Variants in ZNF718 observed in about 807,000 individuals in gnomAD.
ZNF718 encodes the protein zinc finger protein 718.
In ZNF718, 3 loss-of-function variants were observed where a neutral mutation model predicts 2.6. The observed-to-expected ratio is 1.16, with a 90% CI of 0.53 to 3.01. The LOEUF is 3.01. ZNF718 is among the 30% of genes most tolerant of loss of function. The pLI is 0.03. For missense variants in ZNF718, 468 were observed against 230.0 expected, an observed-to-expected ratio of 2.03 and a Z score of -6.69; for synonymous variants, 135 against 77.9, an observed-to-expected ratio of 1.73 and a Z score of -3.86.
chr4:177,204 C>A (rs1411563904), intron 3 of ZNF718, among the ~76,000 whole-genome samples: 1 of 152,194 alleles, frequency 6.6e-6, no homozygotes, highest in Non-Finnish European at 1.5e-5. Flanking sequence ...CTTTCCACAA[C>A]CCATCTCTGG....
intron 3 of ZNF718, among the ~76,000 whole-genome samples, chr4:191,401 C>T (rs1553821208): frequency 6.6e-6 from 1 of 151,998 alleles, no homozygotes; most frequent in East Asian, 1.9e-4. Flanking sequence ...ATCCACCTGC[C>T]TCAGCTCCCC....
Position 134,292 on chromosome 4 carries a change from G to A in ZNF718, c.226+2787G>A, listed in dbSNP as rs185877875. 3.6e-3 allele frequency among the ~76,000 whole-genome samples: 543 copies of A among 152,118 alleles called. 5 individuals are homozygous for A. The highest frequency in any genetic ancestry group is 0.012 in the African/African-American group (515 of 41,498). On this transcript the variant is annotated intron_variant, in intron 3 of 3. Coordinates refer to ENST00000510175, the MANE Select transcript of ZNF718 (RefSeq NM_001039127.6). Reference sequence around the variant, plus strand: ...CTCCCAAGTAGCTGGGACTACAGGTGCCCGCCACCACGCCCGGCTAATTTT... The same window carrying A: ...CTCCCAAGTAGCTGGGACTACAGGTACCCGCCACCACGCCCGGCTAATTTT...
chr4:177,557 C>T (rs1470509009), intron 3 of ZNF718, among the ~76,000 whole-genome samples: 1 of 152,036 alleles, frequency 6.6e-6, no homozygotes, highest in African/African-American at 2.4e-5. Flanking sequence ...CCTTTTTGGG[C>T]CTTGCTCACT....
Position 161,494 on chromosome 4 carries a change from T to C in ZNF718, c.809T>C (p.Leu270Pro), listed in dbSNP as rs1214211507. The C allele has an allele frequency of 5.1e-6, 4 of 780,614 alleles. No homozygotes were observed. Among genetic ancestry groups the C allele is most frequent in the Non-Finnish European group, 9.6e-6 (4 of 417,924 alleles). The allele number at this position is 780,614 out of a possible 1,614,324, so 48.4% of individuals were successfully genotyped here. ...AAAGCTTTTAACCAATCCTCAACCC[T>C]TAATTTACATAAGAGAATTCATTCT... ...CGKAFNQSST[L>P]NLHKRIHSAQ... Residue 270 changes from leucine to proline, a missense_variant, in exon 4 of 4, where the codon CTT becomes CCT. Transcript: ENST00000510175.
chr4:171,696 C>A (rs879977019), intron 3 of ZNF718, among the ~76,000 whole-genome samples: 1 of 152,090 alleles, frequency 6.6e-6, no homozygotes, highest in Admixed American at 6.5e-5. Context: ...ATTGGAAAAG[C>A]GTAGTATTAG....
intron 3 of ZNF718, among the ~76,000 whole-genome samples, chr4:191,244 G>T (rs1436359356): frequency 7.3e-5 from 11 of 150,496 alleles, no homozygotes; most frequent in African/African-American, 2.7e-4. Context: ...CGCTTCCGGG[G>T]TTCAAGCAAT....
intron 3 of ZNF718, among the ~76,000 whole-genome samples, chr4:192,082 C>G (rs782257444): frequency 3.3e-5 from 5 of 152,274 alleles, no homozygotes; most frequent in African/African-American, 9.6e-5. Context: ...CTCACTGGAT[C>G]AGAAGTGCAG....
intron 3 of ZNF718, among the ~76,000 whole-genome samples, chr4:143,334 C>T (rs1225011438): frequency 1.3e-5 from 2 of 152,148 alleles, no homozygotes; most frequent in Non-Finnish European, 2.9e-5. Flanking sequence ...GGGATTAGTG[C>T]CTACCACCAC....
chr4:171,101 T>A (rs986669423), intron 3 of ZNF718, among the ~76,000 whole-genome samples: 1 of 152,344 alleles, frequency 6.6e-6, no homozygotes, highest in African/African-American at 2.4e-5. Flanking sequence ...TGGAGTTTGC[T>A]GGAGGTCCAC....
chr4:134,537 A>G (rs538751231), intron 3 of ZNF718, among the ~76,000 whole-genome samples: 1 of 152,328 alleles, frequency 6.6e-6, no homozygotes, highest in East Asian at 1.9e-4. Flanking sequence ...CACTTTGAAT[A>G]TATAGATCAC....
At chr4:151,944 G>C (rs1716343120) in intron 3 of ZNF718, among the ~76,000 whole-genome samples, 1 of 150,862 alleles carries the variant, frequency 6.6e-6, no homozygotes, top group African/African-American at 2.4e-5. Context: ...TTCTCAAAGA[G>C]GGGGATGTGT....
At chr4:197,643 G>T (rs1304643122) in intron 3 of ZNF718, among the ~76,000 whole-genome samples, 2 of 152,150 alleles carry the variant, frequency 1.3e-5, no homozygotes, top group Non-Finnish European at 1.5e-5. Flanking sequence ...CACTTTCTCA[G>T]CCTCACCTTT....
In ZNF718 at chr4:130,423, A is replaced by G. The variant is rs1386496183; in HGVS notation, c.4-365A>G. 1.9e-5 allele frequency among the ~76,000 whole-genome samples: 2 copies of G among 103,148 alleles called. 1 individual carries two copies. The highest frequency in any genetic ancestry group is 1.1e-3 in the East Asian group (2 of 1,866). The allele number at this position is 103,148 out of a possible 152,430, so 67.7% of individuals were successfully genotyped here. On this transcript the variant is annotated intron_variant, in intron 1 of 3. Coordinates refer to ENST00000510175, the MANE Select transcript of ZNF718 (RefSeq NM_001039127.6). ...AGAAACCATAACGTGTGCCCTCCCC[A>G]CAGATCCTGTCTGTTTTTCTGGGTG...
At chr4:199,958 G>A (rs1717865956) in intron 3 of ZNF718, among the ~76,000 whole-genome samples, 2 of 152,124 alleles carry the variant, frequency 1.3e-5, no homozygotes, top group Non-Finnish European at 2.9e-5. Context: ...AAAGACAAGA[G>A]CAAAGATATT....
In ZNF718 at chr4:131,490, G is replaced by A; in HGVS notation, c.211G>A (p.Ala71Thr). 2 of 475,416 alleles carry A rather than the reference G, an allele frequency of 4.2e-6. No individual in the cohort carries two copies. The highest frequency in any genetic ancestry group is 6.8e-6 in the Non-Finnish European group (2 of 293,966). The allele number at this position is 475,416 out of a possible 1,614,324, so 29.4% of individuals were successfully genotyped here. A position where few individuals can be genotyped will look rare whatever the true frequency, so the allele number is the denominator to read the frequency against. Reference sequence around the variant, plus strand: ...CTACAATTTGAAGATACATGAAACAGCAGCCAGACCCCCAGGTAGGTGAGA... The same window carrying A: ...CTACAATTTGAAGATACATGAAACAACAGCCAGACCCCCAGGTAGGTGAGA... ...EPYNLKIHETAARPPAVCSHF... is the reference protein window; with the variant it reads ...EPYNLKIHETTARPPAVCSHF... The change falls in exon 3 of 4, where the codon GCA becomes ACA. Residue 71 changes from alanine (A) to threonine (T), a missense_variant. Physicochemically the swap from Ala to Thr is moderately conservative, Grantham distance 58 (BLOSUM62 0). Coordinates refer to ENST00000510175, the MANE Select transcript of ZNF718 (RefSeq NM_001039127.6).
At position 128,173 on chromosome 4, in the gene ZNF718, C is replaced by G. The variant is rs1184129426; in HGVS notation, c.4-2615C>G. Among the ~76,000 whole-genome samples the G allele has an allele frequency of 4.8e-5, 5 of 103,960 alleles. 2 individuals carry two copies. Among genetic ancestry groups the G allele is most frequent in the African/African-American group, 1.7e-4 (5 of 29,920 alleles). 68.2% of individuals were successfully genotyped at this position (103,960 alleles called of 152,430 possible). A position where few individuals can be genotyped will look rare whatever the true frequency, so the allele number is the denominator to read the frequency against. ...AAAGTTGGCCTCTGCCTGGGATTCCCAACACTGGACCAGACTTTGGGTTGA... is the reference window on the plus strand; with the variant it reads ...AAAGTTGGCCTCTGCCTGGGATTCCGAACACTGGACCAGACTTTGGGTTGA... On this transcript the variant is annotated intron_variant, in intron 1 of 3. Coordinates refer to ENST00000510175, the MANE Select transcript of ZNF718 (RefSeq NM_001039127.6).
intron 3 of ZNF718, among the ~76,000 whole-genome samples, chr4:199,255 C>G (rs768253820): frequency 9.9e-5 from 15 of 152,216 alleles, no homozygotes; most frequent in Non-Finnish European, 1.8e-4. Flanking sequence ...CTTTGTTCCC[C>G]TGTACCCTTC....
At chr4:154,102 C>A (rs559820500) in intron 3 of ZNF718, among the ~76,000 whole-genome samples, 1 of 152,164 alleles carries the variant, frequency 6.6e-6, no homozygotes, top group South Asian at 2.1e-4. Flanking sequence ...ATAAGGTTTC[C>A]CCTTTTGTTT....
chr4:201,239 A>T (rs1337348992), intron 4 of ZNF718: 1 of 152,326 alleles, frequency 6.6e-6, no homozygotes, highest in African/African-American at 2.4e-5. Context: ...TGAAAAAGCT[A>T]TGGTCAAAAT....
Sources: gnomAD v4.1 joint callset for allele counts (sites outside exome capture counted in the v4.1 genomes callset) on GRCh38, gnomAD v4.1.1 for gene constraint, MANE v1.5 for transcripts, NCBI Gene and HGNC (gene_info 2026-07-23, HGNC 2026-07-21) for gene names.